The following SEL1L3 variants were observed in gnomAD, a reference collection of about 807,000 sequenced individuals.
SEL1L3 encodes the protein protein sel-1 homolog 3.
In SEL1L3, 76 loss-of-function variants were observed where a neutral mutation model predicts 142.8. The observed-to-expected ratio is 0.53, with a 90% CI of 0.44 to 0.64. The LOEUF (loss-of-function observed/expected upper bound fraction) is 0.64. Ranked by LOEUF, SEL1L3 falls within the 30% of genes least tolerant of loss-of-function variation. SEL1L3 has a pLI of 0.00. For missense variants in SEL1L3, 1,262 were observed against 1,381.7 expected (o/e 0.91, Z 1.37); for synonymous variants, 504 against 519.6 (o/e 0.97, Z 0.41).
chr4:25,780,731 A>C (rs1164761697), intron 15 of SEL1L3, among the ~76,000 whole-genome samples: 1 of 147,102 alleles, frequency 6.8e-6, no homozygotes, highest in Non-Finnish European at 1.5e-5. Flanking sequence ...ATATATAAAT[A>C]ATATATATAA....
chr4:25,810,233 T>TTAG (rs760525842), intron 9 of SEL1L3, among the ~76,000 whole-genome samples: 3 of 152,212 alleles, frequency 2.0e-5, no homozygotes, highest in Non-Finnish European at 4.4e-5. Flanking sequence ...AGGCCTGGCC[T>TTAG]TAGGGCAGAT....
Position 25,847,505 on chromosome 4 carries a change from G to A in SEL1L3, c.522C>T (p.Arg174=), listed in dbSNP as rs377224937. 37 of 1,613,768 alleles carry A rather than the reference G, an allele frequency of 2.3e-5. No individual in the cohort carries two copies. Among genetic ancestry groups the A allele is most frequent in the Admixed American group, 8.3e-5 (5 of 60,010 alleles). ...CACTGTATTTGTGAGTAATCCAGGC[G>A]CGTACTATCACTGCAGATACAGAGA... is the stretch of plus-strand genomic sequence containing the variant. The part of the protein sequence containing the change: ...HSISVSAVIV[R]AWITHKYSGR... The change falls in exon 2 of 24, where the codon CGC becomes CGT. Residue 174 remains arginine (R), a synonymous_variant. Coordinates refer to ENST00000399878, the MANE Select transcript of SEL1L3 (RefSeq NM_015187.5).
At position 25,754,416 on chromosome 4, in the gene SEL1L3, T is replaced by G. The variant is rs190530394; in HGVS notation, c.3259+3118A>C. ...CAGGCTGGAGCGTGGTGGTGCAATT[T>G]CAGCTCACTGCAACCTCCGTCTCCG... On this transcript the variant is annotated intron_variant, in intron 23 of 23. Transcript: ENST00000399878. Among the ~76,000 whole-genome samples, 476 of 151,358 alleles carry G rather than the reference T, an allele frequency of 3.1e-3. 4 individuals carry two copies. The highest frequency in any genetic ancestry group is 0.011 in the African/African-American group (454 of 41,296).
At chr4:25,777,916 T>C (rs1162014957) in intron 16 of SEL1L3, 2 of 454,496 alleles carry the variant, frequency 4.4e-6, no homozygotes, top group East Asian at 6.9e-5. Flanking sequence ...ATAGTAAATA[T>C]CTTAAGCTTT....
chr4:25,717,359 T>G, the SEL1L3 span, among the ~76,000 whole-genome samples: 2 of 152,154 alleles, frequency 1.3e-5, no homozygotes, highest in African/African-American at 4.8e-5. Flanking sequence ...GCTATAATAT[T>G]TTGTTTTATA....
At chr4:25,744,719 C>T (rs940659877), downstream of SEL1L3, among the ~76,000 whole-genome samples, 43 of 152,306 alleles carry the variant, frequency 2.8e-4, no homozygotes, top group African/African-American at 9.6e-4. Context: ...ATGCACAAGA[C>T]AACCCTGCAC....
At chr4:25,839,964 G>A (rs1056457646) in intron 2 of SEL1L3, among the ~76,000 whole-genome samples, 4 of 152,066 alleles carry the variant, frequency 2.6e-5, no homozygotes, top group African/African-American at 9.7e-5. Context: ...GATTCACATC[G>A]ATAAAAATTC....
chr4:25,850,236 A>G (rs1716793708), intron 1 of SEL1L3, among the ~76,000 whole-genome samples: 1 of 152,344 alleles, frequency 6.6e-6, no homozygotes, highest in South Asian at 2.1e-4. Context: ...GTTTCTGTAC[A>G]AGGGGGTGGT....
chr4:25,853,814 G>C (rs1192066149), intron 1 of SEL1L3, among the ~76,000 whole-genome samples: 1 of 151,938 alleles, frequency 6.6e-6, no homozygotes, highest in Non-Finnish European at 1.5e-5. Flanking sequence ...TGAGATCACA[G>C]GCATGTGCCA....
the SEL1L3 span, among the ~76,000 whole-genome samples, chr4:25,723,015 G>A: frequency 3.3e-5 from 5 of 152,122 alleles, no homozygotes; most frequent in South Asian, 2.1e-4. Context: ...GCCTGACCCC[G>A]ACAGTCATCA....
intron 11 of SEL1L3, among the ~76,000 whole-genome samples, chr4:25,796,670 T>C (rs186794685): frequency 1.7e-3 from 253 of 151,932 alleles, no homozygotes; most frequent in Non-Finnish European, 2.8e-3. Flanking sequence ...GGCTCACTTG[T>C]AGTCCCAGCT....
intron 8 of SEL1L3, among the ~76,000 whole-genome samples, chr4:25,818,943 G>C (rs537459396): frequency 2.0e-5 from 3 of 152,034 alleles, no homozygotes; most frequent in African/African-American, 7.2e-5. Flanking sequence ...TATTGGACTG[G>C]GGCATGTTTG....
intron 2 of SEL1L3, among the ~76,000 whole-genome samples, chr4:25,836,873 T>C (rs1046294376): frequency 2.6e-5 from 4 of 152,126 alleles, no homozygotes; most frequent in African/African-American, 9.7e-5. Flanking sequence ...AGTTTTATTA[T>C]ATAGAGAGGT....
chr4:25,797,265 C>G (rs577271927), intron 11 of SEL1L3, among the ~76,000 whole-genome samples: 1 of 152,078 alleles, frequency 6.6e-6, no homozygotes, highest in Non-Finnish European at 1.5e-5. Flanking sequence ...TTTCCAGGAG[C>G]CTCTGCCTTC....
chr4:25,830,450 G>A (rs558711033), intron 5 of SEL1L3, among the ~76,000 whole-genome samples: 9 of 152,130 alleles, frequency 5.9e-5, no homozygotes, highest in Non-Finnish European at 1.2e-4. Context: ...GTCCTTAAAC[G>A]CTTGTTGTGT....
intron 2 of SEL1L3, among the ~76,000 whole-genome samples, chr4:25,840,296 G>T (rs1183853668): frequency 1.3e-5 from 2 of 152,098 alleles, no homozygotes; most frequent in Non-Finnish European, 2.9e-5. Context: ...TGGAAAAAAA[G>T]GAACTAGGTC....
intron 20 of SEL1L3, among the ~76,000 whole-genome samples, chr4:25,760,664 A>G (rs1211725606): frequency 6.6e-6 from 1 of 152,116 alleles, no homozygotes; most frequent in Non-Finnish European, 1.5e-5. Flanking sequence ...CTAATGGCTT[A>G]TATCTTCCCT....
chr4:25,790,470 G>T lies in SEL1L3; in HGVS notation c.2061C>A (p.Gly687=). 4 of 1,613,800 alleles carry T rather than the reference G, an allele frequency of 2.5e-6. No individual in the cohort carries two copies. Among genetic ancestry groups the T allele is most frequent in the Non-Finnish European group, 3.4e-6 (4 of 1,179,814 alleles). The change falls in exon 12 of 24, where the codon GGC becomes GGA. Residue 687 remains glycine (G), a synonymous_variant. Coordinates refer to ENST00000399878, the MANE Select transcript of SEL1L3 (RefSeq NM_015187.5). ...GCGTTTTTACCTGAGCTGCTGCATTGCCTCGGGTAGCTTCATGCTTCAACC... is the reference window on the plus strand; with the variant it reads ...GCGTTTTTACCTGAGCTGCTGCATTTCCTCGGGTAGCTTCATGCTTCAACC... ...FMWLKHEATR[G]NAAAQQRLAQ... is the part of the protein sequence containing the mutation.
At chr4:25,746,507 A>AATAAATATATATATATATATATAT, downstream of SEL1L3, among the ~76,000 whole-genome samples, 1 of 101,558 alleles carries the variant, frequency 9.8e-6, no homozygotes, top group Non-Finnish European at 1.9e-5. Flanking sequence ...ATATTATCTA[A>AATAAATATATATATATATATATAT]ATATATATAT....
Sources: gnomAD v4.1 joint callset for allele counts (sites outside exome capture counted in the v4.1 genomes callset) on GRCh38, gnomAD v4.1.1 for gene constraint, MANE v1.5 for transcripts, NCBI Gene and HGNC (gene_info 2026-07-23, HGNC 2026-07-21) for gene names.